Variants in MYO18B observed in about 807,000 individuals in gnomAD.
The protein encoded by MYO18B is myosin XVIIIB.
A neutral mutation model predicts 273.0 loss-of-function variants in MYO18B; 204 were observed. The ratio of observed to expected loss-of-function variants is 0.75; its 90% CI spans 0.67 to 0.84. The LOEUF (loss-of-function observed/expected upper bound fraction) is 0.84, where lower values mean the gene tolerates loss of function less well. MYO18B is among the 40% of genes least tolerant of loss of function. The pLI is 0.00. For synonymous variants in MYO18B, 1,330 were observed against 1,305.7 expected, an observed-to-expected ratio of 1.02 and a Z score of -0.40; for missense variants, 3,212 against 3,287.6, an observed-to-expected ratio of 0.98 and a Z score of 0.56.
At chr22:25,992,249 A>T in intron 39 of MYO18B, 114 bp from the exon 40 acceptor site, 1 of 1,334,558 alleles carries the variant, frequency 7.5e-7, no homozygotes, top group South Asian at 1.3e-5. Context: ...TTACCACTTC[A>T]TAGGTGCTCA....
At chr22:25,835,584 T>C in intron 17 of MYO18B, 141 bp downstream of exon 17, 1 of 1,031,308 alleles carries the variant, frequency 9.7e-7, no homozygotes, top group Non-Finnish European at 1.4e-6. Flanking sequence ...AGCCTGTGTA[T>C]GCTTTCATTC....
In MYO18B at chr22:26,004,833, A is replaced by G. The variant is rs1277145582; in HGVS notation, c.6448A>G (p.Ser2150Gly). ...GACTCCTTCTCGACAGTCAGCCACCAGCAGCCGCATCCTCAGCCCCAGGTA... is the reference window on the plus strand; with the variant it reads ...GACTCCTTCTCGACAGTCAGCCACCGGCAGCCGCATCCTCAGCCCCAGGTA... ...MRTPSRQSAT[S>G]SRILSPRINE... is the part of the protein sequence containing the mutation. The change falls in exon 42 of 44, where the codon AGC becomes GGC. Residue 2150 changes from serine to glycine, a missense_variant. Coordinates refer to ENST00000335473, the MANE Select transcript of MYO18B (RefSeq NM_032608.7). 6.2e-7 allele frequency: 1 copy of G among 1,613,818 alleles called. No individual in the cohort carries two copies. Among genetic ancestry groups the G allele is most frequent in the Non-Finnish European group, 8.5e-7 (1 of 1,179,756 alleles).
chr22:26,012,816 TTTG>T (rs1259792624), intron 42 of MYO18B, among the ~76,000 whole-genome samples: 4 of 152,230 alleles, frequency 2.6e-5, no homozygotes, highest in Non-Finnish European at 4.4e-5. Context: ...AAGCTAAGGT[TTTG>T]TTACGCAAAT....
chr22:25,919,680 G>GTA (rs2092313759), intron 33 of MYO18B, among the ~76,000 whole-genome samples: 1 of 50,488 alleles, frequency 2.0e-5, no homozygotes, highest in South Asian at 6.9e-4. Context: ...GTGTGTGTAT[G>GTA]TGTGTGTGTG....
intron 39 of MYO18B, among the ~76,000 whole-genome samples, chr22:25,971,164 C>T (rs537762497): frequency 3.9e-5 from 6 of 152,304 alleles, no homozygotes; most frequent in Admixed American, 6.5e-5. Flanking sequence ...AATAGATGAG[C>T]GTGGTTATGT....
At chr22:25,923,975 A>G (rs944115335) in intron 34 of MYO18B, among the ~76,000 whole-genome samples, 2 of 152,184 alleles carry the variant, frequency 1.3e-5, no homozygotes, top group Non-Finnish European at 2.9e-5. Context: ...GAGCTGAATC[A>G]AAGAGCCTCA....
intron 39 of MYO18B, among the ~76,000 whole-genome samples, chr22:25,974,854 G>C (rs987928929): frequency 1.5e-4 from 23 of 152,318 alleles, no homozygotes; most frequent in African/African-American, 4.3e-4. Context: ...TCAGTCCACT[G>C]TCTGTCCCAG....
chr22:25,993,773 T>C (rs1932938235), intron 40 of MYO18B, among the ~76,000 whole-genome samples: 1 of 152,090 alleles, frequency 6.6e-6, no homozygotes, highest in Non-Finnish European at 1.5e-5. Flanking sequence ...ACAAATCAGC[T>C]CTGGTTTAGC....
At chr22:25,954,594 C>T (rs1161254321) in intron 38 of MYO18B, among the ~76,000 whole-genome samples, 1 of 152,314 alleles carries the variant, frequency 6.6e-6, no homozygotes, top group Non-Finnish European at 1.5e-5. Context: ...GCCTCCATAA[C>T]GTGCCCAAGG....
At chr22:25,782,614 G>C (rs12158659) in intron 10 of MYO18B, among the ~76,000 whole-genome samples, 7 of 152,146 alleles carry the variant, frequency 4.6e-5, no homozygotes, top group Admixed American at 3.9e-4. Flanking sequence ...GTGAAGTGTC[G>C]GGGAGAGGAA....
At chr22:25,895,476 G>A in intron 28 of MYO18B, 196 bp downstream of exon 28, 1 of 590,942 alleles carries the variant, frequency 1.7e-6, no homozygotes. Context: ...CTGTACATGT[G>A]GATCTTCTAT....
chr22:25,936,175 G>A (rs115929579), intron 34 of MYO18B, among the ~76,000 whole-genome samples: 2,368 of 152,248 alleles, frequency 0.016, 51 homozygotes, highest in African/African-American at 0.053. Flanking sequence ...GACGGGGATC[G>A]GGGAGGGCCT....
intron 39 of MYO18B, among the ~76,000 whole-genome samples, chr22:25,988,717 A>G (rs1033759557): frequency 1.3e-5 from 2 of 152,128 alleles, no homozygotes; most frequent in Admixed American, 6.5e-5. Context: ...TCCTTCTCCT[A>G]TGAGAATTAA....
intron 36 of MYO18B, among the ~76,000 whole-genome samples, chr22:25,948,286 C>T (rs756603401): frequency 1.4e-4 from 22 of 151,878 alleles, no homozygotes; most frequent in Non-Finnish European, 1.5e-4. Flanking sequence ...TCCATCTTTC[C>T]ATTCATTTAT....
rs1380533866 is a variant in MYO18B, at chr22:25,874,271, C to T, written c.3952-15C>T. 2 of 1,613,610 alleles carry T rather than the reference C, an allele frequency of 1.2e-6. No individual in the cohort carries two copies. Among genetic ancestry groups the T allele is most frequent in the Admixed American group, 3.3e-5 (2 of 60,010 alleles). On this transcript the variant is annotated splice_polypyrimidine_tract_variant and intron_variant, in intron 22 of 43. Transcript: ENST00000335473. ...CTTCAGCAGAGGACTCACCTGAAAC[C>T]TTCCCTCTCCCCAGGTTTTTCTCAA...
At chr22:26,061,213 A>G in the MYO18B span, among the ~76,000 whole-genome samples, 1 of 152,240 alleles carries the variant, frequency 6.6e-6, no homozygotes, top group African/African-American at 2.4e-5. Context: ...GTGATATCCC[A>G]TGGTTGTTAG....
At chr22:25,752,522 G>A (rs2085963998) in intron 1 of MYO18B, among the ~76,000 whole-genome samples, 2 of 152,154 alleles carry the variant, frequency 1.3e-5, no homozygotes, top group Non-Finnish European at 2.9e-5. Context: ...GTCTATTACT[G>A]CCACTTGGAC....
chr22:25,765,598 T>G (rs61654192), intron 3 of MYO18B, among the ~76,000 whole-genome samples: 28,781 of 152,186 alleles, frequency 0.19, 2,884 homozygotes, highest in Non-Finnish European at 0.23. Context: ...CCCTTCCCCT[T>G]TCTTGGCCTC....
intron 39 of MYO18B, chr22:25,964,924 A>C (rs1466318970): frequency 6.6e-6 from 1 of 152,224 alleles, no homozygotes; most frequent in Non-Finnish European, 1.5e-5. Context: ...TGTAGGAAAA[A>C]AACCGGTAGC....
Sources: gnomAD v4.1 joint callset for allele counts (sites outside exome capture counted in the v4.1 genomes callset) on GRCh38, gnomAD v4.1.1 for gene constraint, MANE v1.5 for transcripts, NCBI Gene and HGNC (gene_info 2026-07-23, HGNC 2026-07-21) for gene names.